ZNF197: variants seen among roughly 807,000 people sequenced by gnomAD.
ZNF197 encodes the protein VHL-associated KRAB-A domain-containing protein.
Under a neutral mutation model 27.4 loss-of-function variants are expected in ZNF197, and 14 were observed. The ratio of observed to expected loss-of-function variants is 0.51; its 90% CI spans 0.34 to 0.80. ZNF197 has a LOEUF of 0.80. Ranked by LOEUF, ZNF197 falls within the 30% of genes least tolerant of loss-of-function variation. ZNF197 has a pLI of 0.02. For missense variants in ZNF197, 1,090 were observed against 1,222.6 expected, an observed-to-expected ratio of 0.89 and a Z score of 1.62; for synonymous variants, 415 against 420.0, an observed-to-expected ratio of 0.99 and a Z score of 0.15.
In ZNF197 at chr3:44,646,056, T is replaced by TGGGGGCTGGTTCCTC. The variant is rs1362616778; in HGVS notation, c.*1837_*1851dup. ...TTATTAATTCAACCCCACAGTTTCTTGGGGGCTGGTTCCTCATTAGAGTGA... is the reference window on the plus strand; with the variant it reads ...TTATTAATTCAACCCCACAGTTTCTTGGGGGCTGGTTCCTCGGGGGCTGGTTCCTCATTAGAGTGA... On this transcript the variant is annotated 3_prime_UTR_variant, in exon 6 of 6. Transcript: ENST00000344387. 97 of 985,416 alleles carry TGGGGGCTGGTTCCTC rather than the reference T, an allele frequency of 9.8e-5. No individual in the cohort carries two copies. In the African/African-American group the frequency reaches 1.6e-3, roughly 16 times the overall value. The allele number at this position is 985,416 out of a possible 1,614,324, so 61.0% of individuals were successfully genotyped here.
At chr3:44,626,745 T>C (rs1420347498) in intron 1 of ZNF197, among the ~76,000 whole-genome samples, 1 of 152,342 alleles carries the variant, frequency 6.6e-6, no homozygotes, top group Non-Finnish European at 1.5e-5. Context: ...AAATTATAAA[T>C]TGGTTCAATC....
intron 3 of ZNF197, 73 bp downstream of exon 3, chr3:44,631,294 A>G: frequency 6.3e-7 from 1 of 1,576,602 alleles, no homozygotes; most frequent in Non-Finnish European, 8.7e-7. Flanking sequence ...ACTTCCAGGG[A>G]GTTGCTTCCT....
chr3:44,629,814 G>A (rs1701881273), intron 2 of ZNF197, among the ~76,000 whole-genome samples: 1 of 152,196 alleles, frequency 6.6e-6, no homozygotes, highest in South Asian at 2.1e-4. Flanking sequence ...GCTTGCTAAT[G>A]CTGAGTTTGG....
rs1208226272 is a variant in ZNF197 at position 44,647,093 on chromosome 3, A to G, written c.*2873A>G. On this transcript the variant is annotated 3_prime_UTR_variant, in exon 6 of 6. Transcript: ENST00000344387. ...ATTTGCAAATCATATCCAACAAGGG[A>G]TTTGTATGTAAACTACATAAAGAAC... 1.3e-5 allele frequency: 2 copies of G among 152,236 alleles called. No homozygotes were observed. Among genetic ancestry groups the G allele is most frequent in the South Asian group, 2.1e-4 (1 of 4,832 alleles). The allele number at this position is 152,236 out of a possible 1,614,324, so 9.4% of individuals were successfully genotyped here.
chr3:44,647,183 G>C lies in ZNF197; in HGVS notation c.*2963G>C, dbSNP rs1703000562. On this transcript the variant is annotated 3_prime_UTR_variant, in exon 6 of 6. Coordinates refer to ENST00000344387, the MANE Select transcript of ZNF197 (RefSeq NM_006991.5). ...ATAAGCAAAAGACAGACATTTCACTGAAGTATAGATAGCAAATAAGCAAAT... is the reference window on the plus strand; with the variant it reads ...ATAAGCAAAAGACAGACATTTCACTCAAGTATAGATAGCAAATAAGCAAAT... The C allele has an allele frequency of 6.6e-6, 1 of 152,060 alleles. No homozygotes were observed. The highest frequency in any genetic ancestry group is 1.5e-5 in the Non-Finnish European group (1 of 68,014). The allele number at this position is 152,060 out of a possible 1,614,324, so 9.4% of individuals were successfully genotyped here.
chr3:44,646,554 G>C lies in ZNF197; in HGVS notation c.*2334G>C, dbSNP rs777579188. Reference sequence around the variant, plus strand: ...ACACCACGAGAAACAGACACATCCAGAACGTGGAATATTGCATAAGAAAGC... The same window carrying C: ...ACACCACGAGAAACAGACACATCCACAACGTGGAATATTGCATAAGAAAGC... On this transcript the variant is annotated 3_prime_UTR_variant, in exon 6 of 6. Coordinates refer to ENST00000344387, the MANE Select transcript of ZNF197 (RefSeq NM_006991.5). 8.4e-7 allele frequency: 1 copy of C among 1,196,078 alleles called. No individual in the cohort carries two copies. Among genetic ancestry groups the C allele is most frequent in the Admixed American group, 1.7e-5 (1 of 59,410 alleles). 74.1% of individuals were successfully genotyped at this position (1,196,078 alleles called of 1,614,324 possible).
In ZNF197 at chr3:44,645,227, T is replaced by C; in HGVS notation, c.*1007T>C. On this transcript the variant is annotated 3_prime_UTR_variant, in exon 6 of 6. Transcript: ENST00000344387. Reference sequence around the variant, plus strand: ...GAAAGGATCTTTGTGAAAGTACTTTTTGAAATCATTCAGTTGTCAATAAAG... The same window carrying C: ...GAAAGGATCTTTGTGAAAGTACTTTCTGAAATCATTCAGTTGTCAATAAAG... 1.0e-6 allele frequency: 1 copy of C among 985,246 alleles called. No homozygotes were observed. Among genetic ancestry groups the C allele is most frequent in the Non-Finnish European group, 1.2e-6 (1 of 829,764 alleles). The allele number at this position is 985,246 out of a possible 1,614,324, so 61.0% of individuals were successfully genotyped here.
intron 3 of ZNF197, among the ~76,000 whole-genome samples, 194 bp downstream of exon 3, chr3:44,631,415 T>C (rs1007511620): frequency 6.6e-6 from 1 of 152,140 alleles, no homozygotes; most frequent in African/African-American, 2.4e-5. Context: ...CCCTTTTTTT[T>C]TTTGAGACGG....
rs1702985106 is a variant in ZNF197 at position 44,646,836 on chromosome 3, A to G, written c.*2616A>G. 4 of 313,646 alleles carry G rather than the reference A, an allele frequency of 1.3e-5. No homozygotes were observed. The highest frequency in any genetic ancestry group is 2.0e-3 in the Middle Eastern group (2 of 986). 19.4% of individuals were successfully genotyped at this position (313,646 alleles called of 1,614,324 possible). A position where few individuals can be genotyped will look rare whatever the true frequency, so the allele number is the denominator to read the frequency against. On this transcript the variant is annotated 3_prime_UTR_variant, in exon 6 of 6. Coordinates refer to ENST00000344387, the MANE Select transcript of ZNF197 (RefSeq NM_006991.5). ...TTGATTTTTGACAGGGGCAAAAGCA[A>G]TTCAATGGAGGAGGGATCGCCTTTT...
intron 3 of ZNF197, among the ~76,000 whole-genome samples, chr3:44,631,870 T>A (rs1186565410): frequency 6.6e-6 from 1 of 151,932 alleles, no homozygotes; most frequent in East Asian, 1.9e-4. Context: ...CCAGCTAATT[T>A]TTTTGTATTT....
At chr3:44,630,281 G>T (rs1701908086) in intron 2 of ZNF197, among the ~76,000 whole-genome samples, 1 of 152,166 alleles carries the variant, frequency 6.6e-6, no homozygotes, top group Admixed American at 6.5e-5. Context: ...ATCTTGGTAA[G>T]ATCTCCTCTT....
At position 44,642,054 on chromosome 3, in the gene ZNF197, T is replaced by C. The variant is rs567818218; in HGVS notation, c.924T>C (p.Ser308=). 5.0e-6 allele frequency: 8 copies of C among 1,614,074 alleles called. No individual in the cohort carries two copies. The highest frequency in any genetic ancestry group is 6.8e-6 in the Non-Finnish European group (8 of 1,179,990). The change falls in exon 6 of 6, where the codon AGT becomes AGC. Residue 308 remains serine, a synonymous_variant. Transcript: ENST00000344387. Reference sequence around the variant, plus strand: ...AGTGTGAATGGCAAGTTTTGGCAAGTCAGTGGGGAAATGAAACAGATGAAA... The same window carrying C: ...AGTGTGAATGGCAAGTTTTGGCAAGCCAGTGGGGAAATGAAACAGATGAAA... The part of the protein sequence containing the change: ...EEECEWQVLA[S]QWGNETDERA...
chr3:44,646,738 C>T lies in ZNF197; in HGVS notation c.*2518C>T, dbSNP rs1360768930. 3 of 489,426 alleles carry T rather than the reference C, an allele frequency of 6.1e-6. No individual in the cohort carries two copies. The highest frequency in any genetic ancestry group is 5.9e-5 in the African/African-American group (3 of 50,628). The allele number at this position is 489,426 out of a possible 1,614,324, so 30.3% of individuals were successfully genotyped here. A position where few individuals can be genotyped will look rare whatever the true frequency, so the allele number is the denominator to read the frequency against. ...AAGGTATAAAACATGGATGAGGAGG[C>T]TTGTTTTTAAAAGATAATACTAGAG... On this transcript the variant is annotated 3_prime_UTR_variant, in exon 6 of 6. Transcript: ENST00000344387.
At position 44,643,256 on chromosome 3, in the gene ZNF197, G is replaced by A; in HGVS notation, c.2126G>A (p.Arg709Gln). The A allele has an allele frequency of 6.2e-7, 1 of 1,614,092 alleles. No homozygotes were observed. Among genetic ancestry groups the A allele is most frequent in the Non-Finnish European group, 8.5e-7 (1 of 1,180,030 alleles). ...AATGGGGAGAAGCCATATGAATGTC[G>A]AGAGTGTGGGAAAACCTTTATTATG... is the stretch of plus-strand genomic sequence containing the variant. The part of the protein sequence containing the change: ...LHNGEKPYEC[R>Q]ECGKTFIMSK... Residue 709 changes from arginine to glutamine, a missense_variant, in exon 6 of 6, where the codon CGA becomes CAA. Physicochemically the swap from Arg to Gln is conservative, Grantham distance 43. Transcript: ENST00000344387.
intron 5 of ZNF197, among the ~76,000 whole-genome samples, chr3:44,639,901 C>T (rs11717797): frequency 0.29 from 44,702 of 151,760 alleles, 7,153 homozygotes; most frequent in African/African-American, 0.34. Context: ...GGTGAAGATA[C>T]CCCTTTGACT....
At chr3:44,630,803 C>T (rs563474549) in intron 2 of ZNF197, 2 of 629,288 alleles carry the variant, frequency 3.2e-6, no homozygotes, top group South Asian at 1.5e-5. Flanking sequence ...CCCTCCTTAA[C>T]CCACACCCAG....
At chr3:44,636,925 T>C (rs1702327212) in intron 5 of ZNF197, among the ~76,000 whole-genome samples, 1 of 152,198 alleles carries the variant, frequency 6.6e-6, no homozygotes. Flanking sequence ...GATATCTCAC[T>C]GTGGTTTTGA....
At position 44,646,586 on chromosome 3, in the gene ZNF197, G is replaced by T. The variant is rs904358592; in HGVS notation, c.*2366G>T. 84 of 922,750 alleles carry T rather than the reference G, an allele frequency of 9.1e-5. No individual in the cohort carries two copies. Among genetic ancestry groups the T allele is most frequent in the Middle Eastern group, 2.1e-4 (1 of 4,736 alleles). 57.2% of individuals were successfully genotyped at this position (922,750 alleles called of 1,614,324 possible). A position where few individuals can be genotyped will look rare whatever the true frequency, so the allele number is the denominator to read the frequency against. On this transcript the variant is annotated 3_prime_UTR_variant, in exon 6 of 6. Coordinates refer to ENST00000344387, the MANE Select transcript of ZNF197 (RefSeq NM_006991.5). ...GAATATTGCATAAGAAAGCTGCCCT[G>T]GATTCTTCAAAATATTATTATGATG...
chr3:44,636,810 T>G (rs1702320792), intron 5 of ZNF197, among the ~76,000 whole-genome samples: 2 of 152,224 alleles, frequency 1.3e-5, no homozygotes, highest in South Asian at 4.1e-4. Context: ...TGCACCATTT[T>G]ACACTCCTTC....
Sources: allele counts gnomAD v4.1 joint callset (sites outside exome capture counted in the v4.1 genomes callset), GRCh38; gene constraint gnomAD v4.1.1; transcripts MANE v1.5; gene names NCBI Gene and HGNC (gene_info 2026-07-23, HGNC 2026-07-21).